The following CRTC3 variants were observed in gnomAD, a reference collection of about 807,000 sequenced individuals.
CRTC3 encodes the protein CREB regulated transcription coactivator 3, also known as CREB-regulated transcription coactivator 3.
CRTC3 carries 26 observed loss-of-function variants against 74.5 expected under a neutral mutation model. The observed-to-expected ratio is 0.35, with a 90% CI of 0.26 to 0.48. The LOEUF is 0.48. Among genes scored for constraint, CRTC3 ranks in the 20% least tolerant of loss-of-function variants. The pLI is 0.99. For synonymous variants in CRTC3, 377 were observed against 325.8 expected (o/e 1.16, Z -1.69); for missense variants, 760 against 787.3 (o/e 0.97, Z 0.41).
chr15:90,614,431 T>C, intron 6 of CRTC3, 22 bp from the exon 7 acceptor site: 1 of 1,591,702 alleles, frequency 6.3e-7, no homozygotes, highest in Admixed American at 1.7e-5. Context: ...GTTTTCTTTT[T>C]TTCTTTTTCC....
At chr15:90,603,439 T>C (rs1047874183) in intron 4 of CRTC3, among the ~76,000 whole-genome samples, 2 of 151,448 alleles carry the variant, frequency 1.3e-5, no homozygotes, top group Non-Finnish European at 2.9e-5. Context: ...CGAGACTCCA[T>C]CTCAAAAAAA....
chr15:90,612,585 G>A (rs763176597), intron 6 of CRTC3, among the ~76,000 whole-genome samples: 1 of 151,920 alleles, frequency 6.6e-6, no homozygotes, highest in Admixed American at 6.6e-5. Flanking sequence ...GTGTCTTGAT[G>A]ATGAAGAGAT....
chr15:90,598,877 C>T (rs1459296777), intron 3 of CRTC3: 1 of 222,876 alleles, frequency 4.5e-6, no homozygotes, highest in Non-Finnish European at 9.1e-6. Context: ...AAGACGGGCA[C>T]TGGCCCTGAG....
intron 3 of CRTC3, chr15:90,595,885 C>G (rs539653625): frequency 1.8e-4 from 27 of 152,176 alleles, no homozygotes; most frequent in African/African-American, 6.3e-4. Flanking sequence ...CAGCATGGTC[C>G]CTGACCTCAA....
Position 90,583,209 on chromosome 15 carries a change from C to T in CRTC3, c.232-10427C>T, listed in dbSNP as rs1967583947. Reference sequence around the variant, plus strand: ...ATCATTTTGATTGGTCTGATTTTGACTTTACCTGCTAAAAACAAAACAACC... The same window carrying T: ...ATCATTTTGATTGGTCTGATTTTGATTTTACCTGCTAAAAACAAAACAACC... On this transcript the variant is annotated intron_variant, in intron 2 of 14. Coordinates refer to ENST00000268184, the MANE Select transcript of CRTC3 (RefSeq NM_022769.5). Among the ~76,000 whole-genome samples the T allele has an allele frequency of 2.6e-5, 4 of 152,136 alleles. No homozygotes were observed. The South Asian group carries it at 6.2e-4, about 24-fold the overall frequency.
intron 2 of CRTC3, among the ~76,000 whole-genome samples, chr15:90,570,061 T>C (rs913811983): frequency 1.3e-5 from 2 of 152,184 alleles, no homozygotes; most frequent in Admixed American, 1.3e-4. Context: ...TTGAACAAAA[T>C]ACTTAAAAAG....
At chr15:90,594,696 C>T (rs932368463) in intron 3 of CRTC3, 1 of 152,158 alleles carries the variant, frequency 6.6e-6, no homozygotes, top group Non-Finnish European at 1.5e-5. Flanking sequence ...TCACTTAGTC[C>T]TCAAAAACTC....
At chr15:90,626,604 C>A (rs1297254458) in intron 10 of CRTC3, among the ~76,000 whole-genome samples, 2 of 148,170 alleles carry the variant, frequency 1.3e-5, no homozygotes, top group African/African-American at 5.2e-5. Context: ...TTGTTTGAAG[C>A]CTGACACTTT....
At chr15:90,555,710 G>T (rs535004640) in intron 2 of CRTC3, among the ~76,000 whole-genome samples, 1 of 152,184 alleles carries the variant, frequency 6.6e-6, no homozygotes, top group African/African-American at 2.4e-5. Flanking sequence ...TAGAGACGGG[G>T]TGTCACCATG....
At chr15:90,551,983 G>C (rs1349778578) in intron 2 of CRTC3, among the ~76,000 whole-genome samples, 1 of 69,122 alleles carries the variant, frequency 1.4e-5, no homozygotes, top group East Asian at 4.0e-4. Flanking sequence ...TCTTCTAAAG[G>C]AACAGACTGA....
intron 9 of CRTC3, among the ~76,000 whole-genome samples, chr15:90,621,860 CTA>C (rs776168175): frequency 6.6e-6 from 1 of 152,202 alleles, no homozygotes; most frequent in African/African-American, 2.4e-5. Flanking sequence ...TATTGACCCC[CTA>C]ATTCTTGGCA....
At chr15:90,536,286 A>G (rs1966717612) in intron 1 of CRTC3, among the ~76,000 whole-genome samples, 1 of 152,052 alleles carries the variant, frequency 6.6e-6, no homozygotes, top group Admixed American at 6.6e-5. Flanking sequence ...CTGTAATCCC[A>G]GCACTTTGGG....
At chr15:90,572,707 C>G (rs530070145) in intron 2 of CRTC3, among the ~76,000 whole-genome samples, 1 of 152,274 alleles carries the variant, frequency 6.6e-6, no homozygotes, top group Admixed American at 6.5e-5. Context: ...TCCTGAGTAG[C>G]TGGGATTACA....
chr15:90,586,634 A>G (rs1456233240), intron 2 of CRTC3, among the ~76,000 whole-genome samples: 1 of 152,124 alleles, frequency 6.6e-6, no homozygotes, highest in East Asian at 1.9e-4. Flanking sequence ...TGCTGGGATT[A>G]TAGGTGTGAG....
chr15:90,537,620 G>A (rs1034030668), intron 1 of CRTC3, among the ~76,000 whole-genome samples: 7 of 152,244 alleles, frequency 4.6e-5, no homozygotes, highest in Non-Finnish European at 8.8e-5. Flanking sequence ...TCCTGACCTC[G>A]TGATCCGCCC....
intron 2 of CRTC3, among the ~76,000 whole-genome samples, chr15:90,557,279 C>G (rs1032405185): frequency 2.0e-5 from 3 of 152,110 alleles, no homozygotes; most frequent in African/African-American, 7.2e-5. Context: ...GCCAGCACCC[C>G]CTCACAGTCT....
At chr15:90,613,125 G>A (rs1968403482) in intron 6 of CRTC3, among the ~76,000 whole-genome samples, 1 of 124,330 alleles carries the variant, frequency 8.0e-6, no homozygotes, top group Non-Finnish European at 1.7e-5. Flanking sequence ...GGAGGTTGCA[G>A]TGAGCCAAGG....
At chr15:90,630,413 G>T (rs537444744) in intron 11 of CRTC3, among the ~76,000 whole-genome samples, 2 of 152,182 alleles carry the variant, frequency 1.3e-5, no homozygotes, top group African/African-American at 2.4e-5. Flanking sequence ...AAAGAAGTCT[G>T]TTGAGAAAGA....
At chr15:90,545,576 G>GTTT (rs540477533) in intron 2 of CRTC3, among the ~76,000 whole-genome samples, 1 of 132,214 alleles carries the variant, frequency 7.6e-6, no homozygotes, top group Non-Finnish European at 1.7e-5. Flanking sequence ...ATTTTTGTTT[G>GTTT]TTTTTTTTTT....
Sources: allele counts gnomAD v4.1 joint callset (sites outside exome capture counted in the v4.1 genomes callset), GRCh38; gene constraint gnomAD v4.1.1; transcripts MANE v1.5; gene names NCBI Gene and HGNC (gene_info 2026-07-23, HGNC 2026-07-21).